The following STARD13 variants were observed in gnomAD, a reference collection of about 807,000 sequenced individuals.
The protein encoded by STARD13 is stAR-related lipid transfer protein 13.
STARD13 carries 62 observed loss-of-function variants against 106.4 expected under a neutral mutation model. That is an observed-to-expected ratio of 0.58 (90% CI 0.48 to 0.72). The LOEUF is 0.72. Among genes scored for constraint, STARD13 ranks in the 30% least tolerant of loss-of-function variants. STARD13 has a pLI of 0.00. For missense variants in STARD13, 1,387 were observed against 1,424.0 expected, an observed-to-expected ratio of 0.97 and a Z score of 0.42; for synonymous variants, 565 against 553.0, an observed-to-expected ratio of 1.02 and a Z score of -0.31.
chr13:33,590,489 C>T, the STARD13 span, among the ~76,000 whole-genome samples: 1 of 151,828 alleles, frequency 6.6e-6, no homozygotes, highest in East Asian at 1.9e-4. Flanking sequence ...GAAAATGTGG[C>T]ACATATACAC....
chr13:33,263,810 A>G (rs74045772), intron 1 of STARD13, among the ~76,000 whole-genome samples: 3,705 of 152,196 alleles, frequency 0.024, 151 homozygotes, highest in African/African-American at 0.084. Flanking sequence ...AATGACAGGA[A>G]CCCAGCATTA....
At chr13:33,537,517 A>G in the STARD13 span, among the ~76,000 whole-genome samples, 1 of 152,220 alleles carries the variant, frequency 6.6e-6, no homozygotes, top group Non-Finnish European at 1.5e-5. Flanking sequence ...ACGCTCAATT[A>G]CACCCATGCA....
At chr13:33,395,230 C>G in the STARD13 span, among the ~76,000 whole-genome samples, 1 of 152,066 alleles carries the variant, frequency 6.6e-6, no homozygotes. Flanking sequence ...TTTTTAAAAT[C>G]TCTATTAATT....
chr13:33,673,762 T>C, the STARD13 span, among the ~76,000 whole-genome samples: 1 of 151,992 alleles, frequency 6.6e-6, no homozygotes, highest in African/African-American at 2.4e-5. Flanking sequence ...AGGATGGTCA[T>C]CTCCTGTCCT....
At chr13:33,511,430 A>G in the STARD13 span, 1 of 152,180 alleles carries the variant, frequency 6.6e-6, no homozygotes, top group East Asian at 1.9e-4. Context: ...CAAAAAAATC[A>G]CTGTAAACTG....
chr13:33,404,140 A>G, the STARD13 span, among the ~76,000 whole-genome samples: 1 of 152,196 alleles, frequency 6.6e-6, no homozygotes, highest in Non-Finnish European at 1.5e-5. Flanking sequence ...TAAGTTTTTC[A>G]TGGGTAGTGG....
the STARD13 span, among the ~76,000 whole-genome samples, chr13:33,629,091 C>T: frequency 6.6e-6 from 1 of 152,232 alleles, no homozygotes; most frequent in African/African-American, 2.4e-5. Flanking sequence ...AAAGAGACAG[C>T]TCTACTTCTT....
chr13:33,511,384 T>C, the STARD13 span: 1 of 152,078 alleles, frequency 6.6e-6, no homozygotes, highest in African/African-American at 2.4e-5. Context: ...AACATTTCAG[T>C]ACAGGAATTG....
chr13:33,213,055 C>T (rs1337203417), intron 1 of STARD13, among the ~76,000 whole-genome samples: 1 of 152,056 alleles, frequency 6.6e-6, no homozygotes, highest in East Asian at 1.9e-4. Flanking sequence ...TCCCTTTATC[C>T]AAAAAGGTTC....
At chr13:33,441,728 G>A in the STARD13 span, among the ~76,000 whole-genome samples, 1 of 152,210 alleles carries the variant, frequency 6.6e-6, no homozygotes, top group Non-Finnish European at 1.5e-5. Context: ...TGCAGTTAAA[G>A]CTTTGTCCTT....
chr13:33,284,777 G>A (rs1222498056), intron 1 of STARD13, among the ~76,000 whole-genome samples: 1 of 151,618 alleles, frequency 6.6e-6, no homozygotes, highest in African/African-American at 2.4e-5. Flanking sequence ...CAGACTTCCA[G>A]GCTGGTATTT....
chr13:33,587,202 C>A, the STARD13 span, among the ~76,000 whole-genome samples: 1 of 143,618 alleles, frequency 7.0e-6, no homozygotes, highest in African/African-American at 2.7e-5. Context: ...GGCGACAGAG[C>A]GAGACTCTGT....
chr13:33,329,655 A>ATGTG lies in STARD13; in HGVS notation c.124+20631_124+20634dup, dbSNP rs34427794. 2.0e-3 allele frequency among the ~76,000 whole-genome samples: 282 copies of ATGTG among 144,304 alleles called. 2 individuals are homozygous for ATGTG. Among genetic ancestry groups the ATGTG allele is most frequent in the African/African-American group, 6.6e-3 (257 of 38,932 alleles). The allele number at this position is 144,304 out of a possible 152,430, so 94.7% of individuals were successfully genotyped here. ...GAATAATATTCCATTGTGTGTGTGT[A>ATGTG]TGTGTGTGTGTGTGTGTGTGTGTGT... On this transcript the variant is annotated intron_variant, in intron 1 of 5. Coordinates refer to the STARD13 transcript ENST00000567873.
rs1566530935 is a variant in STARD13, at chr13:33,111,688, G to A, written c.2607+90C>T. 3.7e-6 allele frequency: 3 copies of A among 809,190 alleles called. No homozygotes were observed. In the East Asian group the frequency reaches 7.6e-5, roughly 21 times the overall value. 50.1% of individuals were successfully genotyped at this position (809,190 alleles called of 1,614,324 possible). On this transcript the variant is annotated intron_variant, in intron 10 of 13. Transcript: ENST00000336934. ...ATTGTCATAAAATCAGGAACAAACA[G>A]ATAGAAACCATAAATGTAGCAACAA... is the stretch of plus-strand genomic sequence containing the variant.
At chr13:33,298,121 GTTTTTTTTTTT>G (rs71071090) in intron 1 of STARD13, among the ~76,000 whole-genome samples, 9 of 51,914 alleles carry the variant, frequency 1.7e-4, no homozygotes, top group Admixed American at 3.2e-4. Context: ...CCCATCTACA[GTTTTTTTTTTT>G]TTTTTTTTTT....
At chr13:33,647,142 C>T in the STARD13 span, among the ~76,000 whole-genome samples, 3 of 152,160 alleles carry the variant, frequency 2.0e-5, no homozygotes, top group Non-Finnish European at 4.4e-5. Context: ...TTGATGTCTA[C>T]AGTTTAAAAG....
chr13:33,259,008 G>A lies in STARD13; in HGVS notation c.169+26462C>T, dbSNP rs1032399263. On this transcript the variant is annotated intron_variant, in intron 1 of 13. Coordinates refer to ENST00000336934, the MANE Select transcript of STARD13 (RefSeq NM_178006.4). ...ACAGGAACATTGCCTAATCTTGGAA[G>A]CCTTCCCTAAGCATTTAGTATGGAT... is the stretch of plus-strand genomic sequence containing the variant. 2.0e-5 allele frequency among the ~76,000 whole-genome samples: 3 copies of A among 152,220 alleles called. No individual in the cohort carries two copies. In the East Asian group the frequency reaches 5.8e-4, roughly 29 times the overall value.
chr13:33,423,692 C>A, the STARD13 span, among the ~76,000 whole-genome samples: 1 of 152,190 alleles, frequency 6.6e-6, no homozygotes, highest in African/African-American at 2.4e-5. Context: ...TTGGAACCAA[C>A]CCAAATGTTC....
At chr13:33,618,224 A>G in the STARD13 span, among the ~76,000 whole-genome samples, 1 of 152,242 alleles carries the variant, frequency 6.6e-6, no homozygotes. Context: ...AATTTCAGTA[A>G]TAGTATGCTA....
Sources: allele counts gnomAD v4.1 joint callset (sites outside exome capture counted in the v4.1 genomes callset), GRCh38; gene constraint gnomAD v4.1.1; transcripts MANE v1.5; gene names NCBI Gene and HGNC (gene_info 2026-07-23, HGNC 2026-07-21).